DLG2: variants seen among roughly 807,000 people sequenced by gnomAD.
The protein encoded by DLG2 is disks large homolog 2.
In DLG2, 45 loss-of-function variants were observed where a neutral mutation model predicts 132.5. The ratio of observed to expected loss-of-function variants is 0.34; its 90% CI spans 0.27 to 0.44. DLG2 has a LOEUF of 0.44. Among genes scored for constraint, DLG2 ranks in the 20% least tolerant of loss-of-function variants. The pLI, the probability that DLG2 is intolerant of heterozygous loss-of-function variation, is 1.00. For synonymous variants in DLG2, 424 were observed against 419.6 expected (o/e 1.01, Z -0.13); for missense variants, 1,045 against 1,196.9 (o/e 0.87, Z 1.87).
intron 6 of DLG2, among the ~76,000 whole-genome samples, chr11:84,673,342 G>A (rs116926056): frequency 0.074 from 11,314 of 152,128 alleles, 564 homozygotes; most frequent in Non-Finnish European, 0.12. Flanking sequence ...AACCAATTTA[G>A]AGCGGTAGCA....
intron 6 of DLG2, among the ~76,000 whole-genome samples, chr11:84,774,632 T>C (rs955489725): frequency 4.6e-5 from 7 of 151,926 alleles, no homozygotes; most frequent in African/African-American, 1.7e-4. Flanking sequence ...AACGCAGAAA[T>C]AAAGCTGCAC....
At chr11:83,941,302 A>G (rs570683797) in intron 14 of DLG2, among the ~76,000 whole-genome samples, 1 of 134,844 alleles carries the variant, frequency 7.4e-6, no homozygotes, top group African/African-American at 2.5e-5. Flanking sequence ...TCCAGCATAT[A>G]CATTTACTCT....
At chr11:84,692,881 A>G (rs1480486104) in intron 6 of DLG2, among the ~76,000 whole-genome samples, 3 of 151,796 alleles carry the variant, frequency 2.0e-5, no homozygotes, top group Non-Finnish European at 2.9e-5. Context: ...ACTAAGCTAA[A>G]CAGTTTACAA....
chr11:84,283,018 T>C (rs957735178), intron 7 of DLG2, among the ~76,000 whole-genome samples: 1 of 152,200 alleles, frequency 6.6e-6, no homozygotes, highest in Non-Finnish European at 1.5e-5. Flanking sequence ...GTATGTACTA[T>C]GTCATATATG....
chr11:85,191,466 T>C (rs1382557772), intron 4 of DLG2, among the ~76,000 whole-genome samples: 1 of 152,054 alleles, frequency 6.6e-6, no homozygotes, highest in African/African-American at 2.4e-5. Context: ...TCAAGATCTA[T>C]GGAATGCAAG....
At chr11:85,354,278 T>C (rs1029314117) in intron 3 of DLG2, among the ~76,000 whole-genome samples, 1 of 152,110 alleles carries the variant, frequency 6.6e-6, no homozygotes, top group Non-Finnish European at 1.5e-5. Context: ...AAATTAAAAC[T>C]AACTTAAAAA....
At chr11:83,839,940 C>A (rs1194784277) in intron 16 of DLG2, among the ~76,000 whole-genome samples, 1 of 152,136 alleles carries the variant, frequency 6.6e-6, no homozygotes, top group African/African-American at 2.4e-5. Context: ...CTTGAAGTCT[C>A]CTTGATCCTA....
intron 8 of DLG2, among the ~76,000 whole-genome samples, chr11:84,200,283 A>C (rs529640794): frequency 6.6e-6 from 1 of 152,250 alleles, no homozygotes; most frequent in South Asian, 2.1e-4. Flanking sequence ...CACCAAATAA[A>C]ACACTGAAGA....
At chr11:83,944,316 C>T (rs1161615082) in intron 14 of DLG2, among the ~76,000 whole-genome samples, 1 of 152,140 alleles carries the variant, frequency 6.6e-6, no homozygotes. Flanking sequence ...TCCGCCAAAA[C>T]CTTTTGAAAA....
At chr11:83,881,843 G>A (rs1392575050) in intron 15 of DLG2, among the ~76,000 whole-genome samples, 1 of 151,976 alleles carries the variant, frequency 6.6e-6, no homozygotes, top group Non-Finnish European at 1.5e-5. Flanking sequence ...ATTAAATGTT[G>A]CAAAAATGAA....
chr11:85,198,969 T>C (rs550643957), intron 4 of DLG2, among the ~76,000 whole-genome samples: 59 of 152,314 alleles, frequency 3.9e-4, no homozygotes, highest in African/African-American at 1.4e-3. Context: ...AGGTCTAATG[T>C]CAACCTTCCC....
intron 6 of DLG2, among the ~76,000 whole-genome samples, chr11:84,838,402 GA>G (rs5793141): frequency 1.3e-5 from 2 of 148,818 alleles, no homozygotes; most frequent in Non-Finnish European, 3.0e-5. Context: ...TTGAATGACT[GA>G]AAAAAAAAAG....
intron 6 of DLG2, among the ~76,000 whole-genome samples, chr11:85,023,699 A>G (rs2154141250): frequency 6.6e-6 from 1 of 152,252 alleles, no homozygotes; most frequent in East Asian, 1.9e-4. Flanking sequence ...CTATATCTCG[A>G]TAACTATTCT....
chr11:84,861,636 A>AAC (rs1566183134), intron 6 of DLG2, among the ~76,000 whole-genome samples: 39 of 70,668 alleles, frequency 5.5e-4, no homozygotes, highest in South Asian at 2.2e-3. Flanking sequence ...AAAAAAAAAA[A>AAC]AAACAAAAAA....
intron 3 of DLG2, among the ~76,000 whole-genome samples, chr11:85,541,484 T>G (rs963660891): frequency 1.3e-5 from 2 of 150,708 alleles, no homozygotes; most frequent in Non-Finnish European, 3.0e-5. Flanking sequence ...TATGAATGTT[T>G]TATCTTTAAT....
intron 5 of DLG2, among the ~76,000 whole-genome samples, chr11:85,134,338 G>C (rs7952667): frequency 6.7e-6 from 1 of 149,292 alleles, no homozygotes; most frequent in African/African-American, 2.5e-5. Flanking sequence ...GACCATCCCG[G>C]CTAAAACGGT....
intron 6 of DLG2, among the ~76,000 whole-genome samples, chr11:84,677,280 C>T (rs769772316): frequency 6.6e-6 from 1 of 151,990 alleles, no homozygotes; most frequent in Non-Finnish European, 1.5e-5. Context: ...TCAGGATATT[C>T]CAGTAGCTTC....
At chr11:83,622,134 C>T (rs961427662) in intron 19 of DLG2, among the ~76,000 whole-genome samples, 11 of 152,170 alleles carry the variant, frequency 7.2e-5, no homozygotes, top group Admixed American at 3.9e-4. Flanking sequence ...CACCATGTTG[C>T]CCAGGCTGGT....
intron 21 of DLG2, among the ~76,000 whole-genome samples, chr11:83,485,538 A>G (rs923981271): frequency 2.0e-5 from 3 of 152,170 alleles, no homozygotes; most frequent in East Asian, 3.9e-4. Flanking sequence ...CCACACGGCT[A>G]TTGAAATGAA....
Sources: gnomAD v4.1 joint callset for allele counts (sites outside exome capture counted in the v4.1 genomes callset) on GRCh38, gnomAD v4.1.1 for gene constraint, MANE v1.5 for transcripts, NCBI Gene and HGNC (gene_info 2026-07-23, HGNC 2026-07-21) for gene names.